The following COX14 variants were observed in gnomAD, a reference collection of about 807,000 sequenced individuals.
COX14 encodes cytochrome c oxidase assembly protein COX14.
COX14 carries 3 observed loss-of-function variants against 5.8 expected under a neutral mutation model. The ratio of observed to expected loss-of-function variants is 0.51; its 90% confidence interval spans 0.23 to 1.33. The LOEUF is 1.33. COX14 is among the 40% of genes most tolerant of loss of function. The probability of loss-of-function intolerance (pLI) is 0.18; values close to 1 mark genes in which losing one functional copy is unlikely to be tolerated. For synonymous variants in COX14, 25 were observed against 26.1 expected (o/e 0.96, Z 0.13); for missense variants, 72 against 72.1 (o/e 1.00, Z 0.01).
chr12:50,118,849 T>C lies in COX14; in HGVS notation c.-8-1187T>C, dbSNP rs7307230. 0.33 allele frequency among the ~76,000 whole-genome samples: 49,711 copies of C among 152,026 alleles called. 8,366 individuals carry two copies. The highest frequency in any genetic ancestry group is 0.39 in the South Asian group (1,885 of 4,820). ...CTTCCTGACTTTTAAGAAACCTATC[T>C]CGCTAATTTCAGTCAGTCTTTTAAT... On this transcript the variant is annotated intron_variant, in intron 1 of 1. Transcript: ENST00000550487.
chr12:50,116,341 A>T (rs1398921256), intron 1 of COX14, among the ~76,000 whole-genome samples: 1 of 151,882 alleles, frequency 6.6e-6, no homozygotes, highest in Non-Finnish European at 1.5e-5. Context: ...GATCTGCCCG[A>T]CTCAGCCTCC....
At chr12:50,112,460 C>G in intron 1 of COX14, 159 bp downstream of exon 1, 1 of 986,020 alleles carries the variant, frequency 1.0e-6, no homozygotes, top group Non-Finnish European at 1.2e-6. Flanking sequence ...GCGAGCTGCA[C>G]TGCTTCCTGC....
chr12:50,117,483 T>C (rs550968630), intron 1 of COX14, among the ~76,000 whole-genome samples: 2 of 152,250 alleles, frequency 1.3e-5, no homozygotes, highest in Middle Eastern at 3.4e-3. Context: ...ACTGGCAGGC[T>C]TATTGGGCCC....
intron 1 of COX14, among the ~76,000 whole-genome samples, chr12:50,118,715 C>G (rs112442737): frequency 0.031 from 4,777 of 152,114 alleles, 254 homozygotes; most frequent in African/African-American, 0.11. Flanking sequence ...TGCAGTGAGC[C>G]GAGATCGTGC....
chr12:50,113,505 G>C (rs1033627725), intron 1 of COX14, among the ~76,000 whole-genome samples: 1 of 151,068 alleles, frequency 6.6e-6, no homozygotes, highest in African/African-American at 2.4e-5. Context: ...GGGTTTCACT[G>C]TGTTAGCCAG....
chr12:50,115,622 G>A (rs1951074542), intron 1 of COX14, among the ~76,000 whole-genome samples: 1 of 149,784 alleles, frequency 6.7e-6, no homozygotes, highest in African/African-American at 2.5e-5. Flanking sequence ...GCATGATCTC[G>A]GCCCACTGCA....
chr12:50,116,989 C>T (rs1429232747), intron 1 of COX14, among the ~76,000 whole-genome samples: 2 of 152,106 alleles, frequency 1.3e-5, no homozygotes, highest in Admixed American at 6.6e-5. Context: ...TCTAAACCAG[C>T]GAATCCTGAG....
At chr12:50,115,482 T>G (rs1951072873) in intron 1 of COX14, among the ~76,000 whole-genome samples, 2 of 152,048 alleles carry the variant, frequency 1.3e-5, no homozygotes, top group Admixed American at 1.3e-4. Flanking sequence ...CCCAAAGTGC[T>G]GGGATTACAG....
chr12:50,115,211 A>G (rs1308936907), intron 1 of COX14, among the ~76,000 whole-genome samples: 3 of 147,824 alleles, frequency 2.0e-5, no homozygotes, highest in Non-Finnish European at 4.5e-5. Flanking sequence ...CTGGCTGAGC[A>G]TCTTAATTTT....
intron 1 of COX14, among the ~76,000 whole-genome samples, chr12:50,116,025 C>T (rs1305257916): frequency 1.3e-5 from 2 of 152,060 alleles, no homozygotes; most frequent in Admixed American, 1.3e-4. Context: ...TTTCTACTTC[C>T]AAAGTATCTT....
intron 1 of COX14, among the ~76,000 whole-genome samples, chr12:50,117,158 T>C (rs923524261): frequency 2.0e-5 from 3 of 152,092 alleles, no homozygotes; most frequent in African/African-American, 7.2e-5. Context: ...TACAGCCATA[T>C]GCCACCATGC....
At chr12:50,112,893 C>G (rs1159483063) in intron 1 of COX14, 1 of 114,920 alleles carries the variant, frequency 8.7e-6, no homozygotes, top group Non-Finnish European at 1.7e-5. Flanking sequence ...TAGCGGCCTC[C>G]GTAGCATGAT....
chr12:50,115,514 C>T (rs190131152), intron 1 of COX14, among the ~76,000 whole-genome samples: 1 of 151,844 alleles, frequency 6.6e-6, no homozygotes, highest in African/African-American at 2.4e-5. Flanking sequence ...CGCGCCCGGC[C>T]GAGCATCTTC....
chr12:50,112,702 T>C lies in COX14; in HGVS notation c.-9+401T>C, dbSNP rs77700010. ...TCACTTCCTGGAATGCTCTCACTGC[T>C]CCTCTTCTCCAGGCCATCCTTCTAA... On this transcript the variant is annotated intron_variant, in intron 1 of 1. Coordinates refer to ENST00000550487, the MANE Select transcript of COX14 (RefSeq NM_032901.4). The C allele has an allele frequency of 9.2e-3, 1,412 of 153,158 alleles. 13 individuals are homozygous for C. Among genetic ancestry groups the C allele is most frequent in the African/African-American group, 0.033 (1,357 of 41,540 alleles). The allele number at this position is 153,158 out of a possible 1,614,324, so 9.5% of individuals were successfully genotyped here. A position where few individuals can be genotyped will look rare whatever the true frequency, so the allele number is the denominator to read the frequency against.
chr12:50,114,129 AACAC>A (rs1386941121), intron 1 of COX14, among the ~76,000 whole-genome samples: 1 of 150,974 alleles, frequency 6.6e-6, no homozygotes, highest in Non-Finnish European at 1.5e-5. Context: ...ATTCTAGCCT[AACAC>A]ACTGGAAAGA....
chr12:50,113,778 A>G (rs984475224), intron 1 of COX14, among the ~76,000 whole-genome samples: 30 of 151,810 alleles, frequency 2.0e-4, no homozygotes, highest in African/African-American at 7.3e-4. Flanking sequence ...GATTACAGGC[A>G]TGTGCCACCA....
chr12:50,116,779 T>C (rs1157214501), intron 1 of COX14, among the ~76,000 whole-genome samples: 1 of 152,196 alleles, frequency 6.6e-6, no homozygotes, highest in East Asian at 1.9e-4. Flanking sequence ...ACACAATCCT[T>C]TCTCATCTTG....
chr12:50,115,685 G>A (rs1264272742), intron 1 of COX14, among the ~76,000 whole-genome samples: 1 of 151,832 alleles, frequency 6.6e-6, no homozygotes, highest in Non-Finnish European at 1.5e-5. Flanking sequence ...TTGAGTAGCT[G>A]GGACTACAGG....
intron 1 of COX14, chr12:50,118,646 A>C (rs921853446): frequency 6.5e-6 from 1 of 153,074 alleles, no homozygotes; most frequent in Non-Finnish European, 1.5e-5. Flanking sequence ...GGGCGCCTGT[A>C]GTCCCAGCTA....
Sources: allele counts gnomAD v4.1 joint callset (sites outside exome capture counted in the v4.1 genomes callset), GRCh38; gene constraint gnomAD v4.1.1; transcripts MANE v1.5; gene names NCBI Gene and HGNC (gene_info 2026-07-23, HGNC 2026-07-21).